DOCK5: variants seen among roughly 807,000 people sequenced by gnomAD.
The protein encoded by DOCK5 is dedicator of cytokinesis protein 5.
A neutral mutation model predicts 251.8 loss-of-function variants in DOCK5; 142 were observed. The observed-to-expected ratio is 0.56, with a 90% CI of 0.49 to 0.65. DOCK5 has a LOEUF of 0.65. Among genes scored for constraint, DOCK5 ranks in the 30% least tolerant of loss-of-function variants. DOCK5 has a pLI of 0.00. For synonymous variants in DOCK5, 842 were observed against 835.5 expected (o/e 1.01, Z -0.13); for missense variants, 2,111 against 2,312.3 (o/e 0.91, Z 1.79).
chr8:25,361,102 C>T (rs1239141417), intron 28 of DOCK5, among the ~76,000 whole-genome samples: 1 of 152,112 alleles, frequency 6.6e-6, no homozygotes, highest in East Asian at 1.9e-4. Context: ...CATGAAGGCC[C>T]TTGGGAAGTG....
At chr8:25,340,623 C>T (rs980489095) in intron 22 of DOCK5, among the ~76,000 whole-genome samples, 2 of 152,174 alleles carry the variant, frequency 1.3e-5, no homozygotes, top group Non-Finnish European at 2.9e-5. Context: ...TAGAGCAGGC[C>T]AGCATCGGCA....
intron 2 of DOCK5, among the ~76,000 whole-genome samples, chr8:25,265,757 A>G (rs1157927625): frequency 6.6e-6 from 1 of 151,948 alleles, no homozygotes; most frequent in East Asian, 1.9e-4. Flanking sequence ...GATCTGTTGG[A>G]CAGAAAGTGT....
intron 1 of DOCK5, among the ~76,000 whole-genome samples, chr8:25,222,432 C>T (rs1802415426): frequency 6.6e-6 from 1 of 152,076 alleles, no homozygotes; most frequent in African/African-American, 2.4e-5. Context: ...AGTCAGGTGG[C>T]CTGAACCGGC....
chr8:25,390,294 G>T lies in DOCK5; in HGVS notation c.4355+7G>T. On this transcript the variant is annotated splice_region_variant and intron_variant, in intron 42 of 51. Coordinates refer to ENST00000276440, the MANE Select transcript of DOCK5 (RefSeq NM_024940.8). Reference sequence around the variant, plus strand: ...TTCCAGAGCAGATCTTAAAGTAAGTGGTTTTTCATTTAAAAAAAAAAAAAA... The same window carrying T: ...TTCCAGAGCAGATCTTAAAGTAAGTTGTTTTTCATTTAAAAAAAAAAAAAA... 2 of 1,540,200 alleles carry T rather than the reference G, an allele frequency of 1.3e-6. No individual in the cohort carries two copies.
rs559861306 is a variant in DOCK5, at chr8:25,201,524, G to T, written c.43+16573G>T. Among the ~76,000 whole-genome samples the T allele has an allele frequency of 4.6e-5, 7 of 152,264 alleles. No individual in the cohort carries two copies. The South Asian group carries it at 1.4e-3, about 32-fold the overall frequency. On this transcript the variant is annotated intron_variant, in intron 1 of 51. Transcript: ENST00000276440. ...CAACAGGTTAAGCTAACTTTAGAAC[G>T]CTGATTACTACCTTTAGTCCTGCAG...
chr8:25,305,656 CACAT>C (rs1804898450), intron 11 of DOCK5, among the ~76,000 whole-genome samples: 1 of 152,102 alleles, frequency 6.6e-6, no homozygotes, highest in Non-Finnish European at 1.5e-5. Flanking sequence ...GGAATACACA[CACAT>C]ACAGAAATGG....
At chr8:25,368,763 C>T in intron 33 of DOCK5, 38 bp downstream of exon 33, 1 of 1,584,222 alleles carries the variant, frequency 6.3e-7, no homozygotes. Flanking sequence ...AGTAAATGGA[C>T]ATATAGTCAA....
chr8:25,339,222 A>G (rs1443104249), intron 22 of DOCK5, among the ~76,000 whole-genome samples: 3 of 152,154 alleles, frequency 2.0e-5, no homozygotes, highest in Admixed American at 6.5e-5. Context: ...TTATGAGCTC[A>G]TTACCTGGCT....
rs536570707 is a variant in DOCK5 at position 25,237,584 on chromosome 8, T to C, written c.44-6090T>C. On this transcript the variant is annotated intron_variant, in intron 1 of 51. Transcript: ENST00000276440. ...AGATTCAGTAAAATGCAAACTATTT[T>C]GTCTTGTCTACTTGGCTCTGCAAAA... Among the ~76,000 whole-genome samples, 12 of 152,288 alleles carry C rather than the reference T, an allele frequency of 7.9e-5. No homozygotes were observed. The South Asian group carries it at 2.5e-3, about 32-fold the overall frequency.
chr8:25,313,697 C>T (rs1369014332), intron 13 of DOCK5, among the ~76,000 whole-genome samples: 6 of 152,164 alleles, frequency 3.9e-5, no homozygotes, highest in Non-Finnish European at 8.8e-5. Flanking sequence ...CTTGTGAGGC[C>T]TGTCTCCTTG....
intron 1 of DOCK5, among the ~76,000 whole-genome samples, chr8:25,229,274 G>T (rs1802609801): frequency 6.6e-6 from 1 of 152,124 alleles, no homozygotes; most frequent in Non-Finnish European, 1.5e-5. Context: ...CTGAGGTTAG[G>T]AGTTTGAGAT....
chr8:25,314,792 G>A (rs979118140), intron 13 of DOCK5, among the ~76,000 whole-genome samples: 1 of 110,410 alleles, frequency 9.1e-6, no homozygotes, highest in Non-Finnish European at 1.7e-5. Flanking sequence ...CACTGCACAA[G>A]CAAGAAGCCA....
chr8:25,353,220 C>T (rs1027514606), intron 27 of DOCK5, among the ~76,000 whole-genome samples: 14 of 152,092 alleles, frequency 9.2e-5, no homozygotes, highest in East Asian at 1.9e-4. Flanking sequence ...AGTGCCTGTA[C>T]GCCCAGCTAC....
chr8:25,310,281 T>C, intron 12 of DOCK5, 126 bp from the exon 13 acceptor site: 3 of 948,522 alleles, frequency 3.2e-6, no homozygotes, highest in Non-Finnish European at 4.4e-6. Context: ...ATAAGTCAAC[T>C]GGGGGAGAAT....
intron 1 of DOCK5, among the ~76,000 whole-genome samples, chr8:25,231,077 T>C (rs1190353805): frequency 1.3e-5 from 2 of 152,134 alleles, no homozygotes; most frequent in Non-Finnish European, 2.9e-5. Flanking sequence ...TTTTTTTCTG[T>C]AGTTTTATCA....
chr8:25,356,926 T>C (rs1192948731), intron 27 of DOCK5, among the ~76,000 whole-genome samples: 1 of 76,264 alleles, frequency 1.3e-5, no homozygotes, highest in African/African-American at 3.9e-5. Context: ...TATATATATA[T>C]ATATATATAT....
At chr8:25,401,531 G>A (rs944949225) in intron 47 of DOCK5, among the ~76,000 whole-genome samples, 2 of 152,080 alleles carry the variant, frequency 1.3e-5, no homozygotes, top group Non-Finnish European at 2.9e-5. Context: ...TCAGGAGTTC[G>A]AGACCAGCCT....
intron 5 of DOCK5, among the ~76,000 whole-genome samples, chr8:25,286,588 A>C (rs1804340088): frequency 1.3e-5 from 2 of 152,124 alleles, no homozygotes; most frequent in South Asian, 4.1e-4. Context: ...GTGAATATTG[A>C]TTCTTTTATA....
intron 4 of DOCK5, chr8:25,277,414 A>G (rs1586287836): frequency 6.6e-6 from 1 of 152,566 alleles, no homozygotes; most frequent in South Asian, 1.9e-4. Context: ...GGTCAAGTTC[A>G]AAAGGATTCC....
Sources: allele counts gnomAD v4.1 joint callset (sites outside exome capture counted in the v4.1 genomes callset), GRCh38; gene constraint gnomAD v4.1.1; transcripts MANE v1.5; gene names NCBI Gene and HGNC (gene_info 2026-07-23, HGNC 2026-07-21).